The following PRDM16 variants were observed in gnomAD, a reference collection of about 807,000 sequenced individuals.
The protein encoded by PRDM16 is histone-lysine N-methyltransferase PRDM16.
In PRDM16, 23 loss-of-function variants were observed where a neutral mutation model predicts 110.6. The observed-to-expected ratio is 0.21, with a 90% confidence interval of 0.15 to 0.29. The LOEUF (loss-of-function observed/expected upper bound fraction) is 0.29. Among genes scored for constraint, PRDM16 ranks in the 10% least tolerant of loss-of-function variants. PRDM16 has a pLI of 1.00. For synonymous variants in PRDM16, 799 were observed against 781.8 expected (o/e 1.02, Z -0.37); for missense variants, 1,615 against 1,794.3 (o/e 0.90, Z 1.81).
At chr1:3,146,777 A>G (rs1157438149) in intron 1 of PRDM16, among the ~76,000 whole-genome samples, 3 of 88,224 alleles carry the variant, frequency 3.4e-5, no homozygotes, top group African/African-American at 8.9e-5. Flanking sequence ...GTGTGTGTGC[A>G]CATGTGTGCT....
At chr1:3,366,374 G>C (rs1179497354) in intron 3 of PRDM16, among the ~76,000 whole-genome samples, 1 of 152,220 alleles carries the variant, frequency 6.6e-6, no homozygotes, top group African/African-American at 2.4e-5. Flanking sequence ...CCCTCAAGTG[G>C]ACGGCCGTGT....
intron 1 of PRDM16, among the ~76,000 whole-genome samples, chr1:3,082,486 C>A (rs1459027102): frequency 6.6e-6 from 1 of 152,224 alleles, no homozygotes; most frequent in African/African-American, 2.4e-5. Flanking sequence ...CAAGGAGCCC[C>A]TGAGCTGGGC....
At chr1:3,212,694 T>TCCCGCTCATCCTCCCGGCCCCCTCG (rs1167908082) in intron 2 of PRDM16, among the ~76,000 whole-genome samples, 65 of 151,134 alleles carry the variant, frequency 4.3e-4, no homozygotes, top group Middle Eastern at 3.4e-3. Context: ...GCTGCGGTCC[T>TCCCGCTCATCCTCCCGGCCCCCTCG]CTCTGCCACT....
intron 3 of PRDM16, among the ~76,000 whole-genome samples, chr1:3,348,449 C>T (rs959888621): frequency 2.6e-5 from 4 of 152,188 alleles, no homozygotes; most frequent in East Asian, 1.9e-4. Flanking sequence ...CCAAAATCCG[C>T]GGGCCAAGGA....
Position 3,139,534 on chromosome 1 carries a change from C to T in PRDM16, c.38-46591C>T, listed in dbSNP as rs765453408. ...ACCCAGGCGCTCAGCCCAGCAGTGC[C>T]GCATCCGGGGGTGCTCGGGCACTGC... On this transcript the variant is annotated intron_variant, in intron 1 of 16. Transcript: ENST00000270722. Among the ~76,000 whole-genome samples, 34 of 152,356 alleles carry T rather than the reference C, an allele frequency of 2.2e-4. 1 individual carries two copies. The highest frequency in any genetic ancestry group is 6.8e-3 in the Middle Eastern group (2 of 294).
At chr1:3,220,169 G>A (rs12403684) in intron 2 of PRDM16, among the ~76,000 whole-genome samples, 2,565 of 152,182 alleles carry the variant, frequency 0.017, 42 homozygotes, top group Non-Finnish European at 0.022. Context: ...TCTTGTCCTC[G>A]CCGTGCCCAC....
chr1:3,322,521 C>T (rs1641783979), intron 3 of PRDM16, among the ~76,000 whole-genome samples: 2 of 152,050 alleles, frequency 1.3e-5, no homozygotes, highest in Non-Finnish European at 2.9e-5. Context: ...AGGACCCCCA[C>T]CCACCCCCAC....
At chr1:3,108,873 C>T (rs1019850228) in intron 1 of PRDM16, among the ~76,000 whole-genome samples, 2 of 151,378 alleles carry the variant, frequency 1.3e-5, no homozygotes, top group Non-Finnish European at 2.9e-5. Context: ...GTGAAACAGC[C>T]TGACCAACAT....
chr1:3,374,637 C>T lies in PRDM16; in HGVS notation c.439-10515C>T, dbSNP rs547381441. ...GCCGCTGTGCACATCTGAGACCCTC[C>T]GGAAGGGGGAGGGGGAGCTCTGCAA... On this transcript the variant is annotated intron_variant, in intron 3 of 16. Transcript: ENST00000270722. Among the ~76,000 whole-genome samples the T allele has an allele frequency of 4.2e-4, 64 of 152,266 alleles. No individual in the cohort carries two copies. In the South Asian group the frequency reaches 0.011, roughly 25 times the overall value.
intron 3 of PRDM16, among the ~76,000 whole-genome samples, chr1:3,274,191 C>A (rs1449970374): frequency 2.0e-5 from 3 of 152,088 alleles, no homozygotes; most frequent in African/African-American, 7.3e-5. Flanking sequence ...CCTTGCTTGC[C>A]AAAACCTGAC....
intron 2 of PRDM16, among the ~76,000 whole-genome samples, chr1:3,199,703 G>A (rs1477386227): frequency 2.0e-5 from 3 of 148,418 alleles, no homozygotes; most frequent in African/African-American, 5.3e-5. Context: ...TGGGGGCTGA[G>A]AAGCGCAAGT....
intron 3 of PRDM16, among the ~76,000 whole-genome samples, chr1:3,270,068 C>CAG (rs1640402751): frequency 7.0e-6 from 1 of 143,880 alleles, no homozygotes; most frequent in African/African-American, 2.6e-5. Flanking sequence ...ATGACAGTCC[C>CAG]AGAGGACAGT....
chr1:3,162,421 G>A (rs1643906746), intron 1 of PRDM16, among the ~76,000 whole-genome samples: 1 of 152,208 alleles, frequency 6.6e-6, no homozygotes, highest in African/African-American at 2.4e-5. Flanking sequence ...AGATGGAAAA[G>A]CTCATCCCAG....
In PRDM16 at chr1:3,433,660, C is replaced by T. The variant is rs752429526; in HGVS notation, c.3697-17C>T. ...TCACCTGCCTGTCCTGTGTGTGTGT[C>T]ATCCCCTCCCCGCCAGGCATATGCA... is the stretch of plus-strand genomic sequence containing the variant. On this transcript the variant is annotated splice_polypyrimidine_tract_variant and intron_variant, in intron 16 of 16. Coordinates refer to ENST00000270722, the MANE Select transcript of PRDM16 (RefSeq NM_022114.4). 3.1e-6 allele frequency: 5 copies of T among 1,609,148 alleles called. No individual in the cohort carries two copies. The South Asian group carries it at 5.5e-5, about 18-fold the overall frequency.
chr1:3,427,844 A>T (rs777348166), intron 14 of PRDM16, among the ~76,000 whole-genome samples: 41 of 152,222 alleles, frequency 2.7e-4, no homozygotes, highest in South Asian at 1.0e-3. Flanking sequence ...CTGTCCCGGC[A>T]TTCCCCAGTG....
intron 1 of PRDM16, among the ~76,000 whole-genome samples, chr1:3,177,922 C>T (rs138139040): frequency 1.0e-3 from 157 of 152,356 alleles, no homozygotes; most frequent in African/African-American, 3.6e-3. Context: ...AGAGCTGCCT[C>T]GTGCTGGGTC....
At chr1:3,221,249 A>G (rs1452062988) in intron 2 of PRDM16, among the ~76,000 whole-genome samples, 1 of 152,242 alleles carries the variant, frequency 6.6e-6, no homozygotes, top group Admixed American at 6.5e-5. Context: ...TCTCTAGACT[A>G]AGAGAGCAGA....
chr1:3,377,364 G>A (rs1281348065), intron 3 of PRDM16, among the ~76,000 whole-genome samples: 1 of 152,220 alleles, frequency 6.6e-6, no homozygotes, highest in Non-Finnish European at 1.5e-5. Context: ...CCACCTGCAC[G>A]CACACCCTGG....
chr1:3,073,165 G>A (rs1235112155), intron 1 of PRDM16, among the ~76,000 whole-genome samples: 1 of 152,236 alleles, frequency 6.6e-6, no homozygotes, highest in African/African-American at 2.4e-5. Flanking sequence ...AGGGGACCAG[G>A]TCTGCCATTT....
Sources: allele counts gnomAD v4.1 joint callset (sites outside exome capture counted in the v4.1 genomes callset), GRCh38; gene constraint gnomAD v4.1.1; transcripts MANE v1.5; gene names NCBI Gene and HGNC (gene_info 2026-07-23, HGNC 2026-07-21).